PDK1: variants seen among roughly 807,000 people sequenced by gnomAD.
The protein encoded by PDK1 is pyruvate dehydrogenase kinase 1, also known as [Pyruvate dehydrogenase (acetyl-transferring)] kinase isozyme 1, mitochondrial.
Under a neutral mutation model 54.2 loss-of-function variants are expected in PDK1, and 39 were observed. The observed-to-expected ratio is 0.72, with a 90% CI of 0.56 to 0.94. The LOEUF (loss-of-function observed/expected upper bound fraction) is 0.94, where lower values mean the gene tolerates loss of function less well. Ranked by LOEUF, PDK1 falls within the 40% of genes least tolerant of loss-of-function variation. PDK1 has a pLI of 0.00. For synonymous variants in PDK1, 221 were observed against 207.1 expected (o/e 1.07, Z -0.58); for missense variants, 552 against 566.0 (o/e 0.98, Z 0.25).
chr2:172,582,478 A>G (rs1044834403), intron 8 of PDK1, among the ~76,000 whole-genome samples: 1 of 152,228 alleles, frequency 6.6e-6, no homozygotes, highest in African/African-American at 2.4e-5. Flanking sequence ...GACATTGACA[A>G]GTGGTGCTTT....
At chr2:172,651,844 A>C in the PDK1 span, among the ~76,000 whole-genome samples, 2 of 152,214 alleles carry the variant, frequency 1.3e-5, no homozygotes, top group African/African-American at 4.8e-5. Context: ...CCAACCAAAA[A>C]AAGTCCAAGA....
At chr2:172,622,249 A>ATATCTCATATTATGTGAGATATGTT in the PDK1 span, among the ~76,000 whole-genome samples, 1 of 143,998 alleles carries the variant, frequency 6.9e-6, no homozygotes. Context: ...TGAGATGTTT[A>ATATCTCATATTATGTGAGATATGTT]TATCTCATAT....
downstream of PDK1, among the ~76,000 whole-genome samples, chr2:172,610,426 G>A (rs1353386493): frequency 1.3e-5 from 2 of 152,018 alleles, no homozygotes; most frequent in African/African-American, 4.8e-5. Flanking sequence ...TGGTGGGGGG[G>A]CTCCTCCCTG....
the PDK1 span, among the ~76,000 whole-genome samples, chr2:172,622,045 CAT>C: frequency 1.0e-3 from 154 of 146,942 alleles, 1 homozygote; most frequent in African/African-American, 2.8e-3. Flanking sequence ...GTTTATATCT[CAT>C]ATATGTGAGA....
At chr2:172,674,659 C>T in the PDK1 span, 2 of 152,396 alleles carry the variant, frequency 1.3e-5, no homozygotes, top group South Asian at 2.1e-4. Flanking sequence ...AAGATTTTCT[C>T]TCTTCCTAAG....
the PDK1 span, among the ~76,000 whole-genome samples, chr2:172,715,472 C>G: frequency 2.1e-3 from 320 of 152,250 alleles, 1 homozygote; most frequent in African/African-American, 7.4e-3. Flanking sequence ...TGAGGCCCAC[C>G]ACTATGTATT....
the PDK1 span, among the ~76,000 whole-genome samples, chr2:172,672,114 G>C: frequency 6.6e-6 from 1 of 152,152 alleles, no homozygotes; most frequent in Non-Finnish European, 1.5e-5. Flanking sequence ...TGCAATGTTT[G>C]TAGGTCTGCA....
the PDK1 span, among the ~76,000 whole-genome samples, chr2:172,720,116 C>CTCTT: frequency 5.9e-3 from 690 of 116,696 alleles, 3 homozygotes; most frequent in African/African-American, 0.012. Flanking sequence ...CTCTCTCTCT[C>CTCTT]TTTTTTTTTT....
At chr2:172,714,978 T>C in the PDK1 span, among the ~76,000 whole-genome samples, 1,442 of 152,328 alleles carry the variant, frequency 9.5e-3, 27 homozygotes, top group African/African-American at 0.032. Flanking sequence ...TATCTAATTA[T>C]CTTTATGGAA....
At chr2:172,705,145 A>G in the PDK1 span, among the ~76,000 whole-genome samples, 1 of 152,258 alleles carries the variant, frequency 6.6e-6, no homozygotes, top group Non-Finnish European at 1.5e-5. Flanking sequence ...AGATTTATCC[A>G]TATCTATTAA....
the PDK1 span, among the ~76,000 whole-genome samples, chr2:172,631,912 T>G: frequency 6.6e-6 from 1 of 152,224 alleles, no homozygotes; most frequent in Non-Finnish European, 1.5e-5. Context: ...CCTTCTTTTC[T>G]GAAATTGCTT....
At chr2:172,707,349 G>A in the PDK1 span, among the ~76,000 whole-genome samples, 1 of 152,178 alleles carries the variant, frequency 6.6e-6, no homozygotes, top group African/African-American at 2.4e-5. Context: ...GCAGACTTGG[G>A]CTGGCATGGG....
the PDK1 span, among the ~76,000 whole-genome samples, chr2:172,672,615 T>C: frequency 6.7e-6 from 1 of 149,896 alleles, no homozygotes. Context: ...GTATCATTTT[T>C]CTTTCTTTTT....
the PDK1 span, among the ~76,000 whole-genome samples, chr2:172,633,867 A>T: frequency 1.9e-3 from 129 of 68,790 alleles, no homozygotes; most frequent in South Asian, 2.4e-3. Flanking sequence ...TTAGTCTATG[A>T]TTTTTTTTTT....
the PDK1 span, among the ~76,000 whole-genome samples, chr2:172,681,625 C>T: frequency 5.9e-5 from 9 of 151,946 alleles, no homozygotes; most frequent in South Asian, 2.1e-4. Context: ...GTTCTAGTTG[C>T]GGAAGATAGA....
chr2:172,668,872 TACACACAC>T, the PDK1 span, among the ~76,000 whole-genome samples: 8 of 111,616 alleles, frequency 7.2e-5, no homozygotes, highest in African/African-American at 1.0e-4. Context: ...TGTATGTATG[TACACACAC>T]ACACACACAC....
chr2:172,580,362 T>C (rs1329992399), intron 8 of PDK1, among the ~76,000 whole-genome samples: 3 of 152,056 alleles, frequency 2.0e-5, no homozygotes, highest in African/African-American at 7.2e-5. Flanking sequence ...GTTTGGGGCT[T>C]AAGTTGTGCT....
At chr2:172,653,708 G>A in the PDK1 span, among the ~76,000 whole-genome samples, 25 of 152,202 alleles carry the variant, frequency 1.6e-4, 1 homozygote, top group African/African-American at 5.5e-4. Flanking sequence ...CAGGACATAG[G>A]CATGGGCAAG....
chr2:172,708,613 G>C, the PDK1 span, among the ~76,000 whole-genome samples: 1 of 152,326 alleles, frequency 6.6e-6, no homozygotes, highest in East Asian at 1.9e-4. Context: ...AATTGATACA[G>C]GTTGAGTATT....
Sources: gnomAD v4.1 joint callset for allele counts (sites outside exome capture counted in the v4.1 genomes callset) on GRCh38, gnomAD v4.1.1 for gene constraint, MANE v1.5 for transcripts, NCBI Gene and HGNC (gene_info 2026-07-23, HGNC 2026-07-21) for gene names.